Variants in PRSS23 observed in about 807,000 individuals in gnomAD.
PRSS23 encodes protease, serine 23.
PRSS23 carries 25 observed loss-of-function variants against 34.7 expected under a neutral mutation model. The ratio of observed to expected loss-of-function variants is 0.72; its 90% confidence interval spans 0.53 to 1.01. The LOEUF (loss-of-function observed/expected upper bound fraction) is 1.01, where lower values mean the gene tolerates loss of function less well. Among genes scored for constraint, PRSS23 ranks in the 50% least tolerant of loss-of-function variants. The pLI, the probability that PRSS23 is intolerant of heterozygous loss-of-function variation, is 0.00. For missense variants in PRSS23, 445 were observed against 475.6 expected, an observed-to-expected ratio of 0.94 and a Z score of 0.60; for synonymous variants, 176 against 186.6, an observed-to-expected ratio of 0.94 and a Z score of 0.46.
intron 2 of PRSS23, among the ~76,000 whole-genome samples, chr11:86,916,084 A>G (rs539071667): frequency 2.9e-4 from 44 of 152,296 alleles, no homozygotes; most frequent in Middle Eastern, 3.4e-3. Flanking sequence ...CAAAGTGCAT[A>G]ATATATAAGG....
At chr11:86,798,401 GA>G (rs1565346743), upstream of PRSS23, among the ~76,000 whole-genome samples, 1 of 152,178 alleles carries the variant, frequency 6.6e-6, no homozygotes. Flanking sequence ...AGAGTCAAGA[GA>G]AACCCATTGC....
chr11:86,917,659 A>T (rs759792703), intron 2 of PRSS23, among the ~76,000 whole-genome samples: 17 of 152,218 alleles, frequency 1.1e-4, no homozygotes, highest in Non-Finnish European at 2.1e-4. Flanking sequence ...GATTTGTAGG[A>T]TCTGACCACA....
At chr11:86,941,152 T>C (rs1949204763) in intron 2 of PRSS23, 1 of 152,244 alleles carries the variant, frequency 6.6e-6, no homozygotes, top group South Asian at 2.1e-4. Flanking sequence ...TCCCTCCACC[T>C]TCCCTACATA....
chr11:86,878,595 C>T lies in PRSS23; in HGVS notation c.206+55002C>T, dbSNP rs905406980. 3.3e-5 allele frequency among the ~76,000 whole-genome samples: 5 copies of T among 152,214 alleles called. No homozygotes were observed. In the South Asian group the frequency reaches 1.0e-3, roughly 32 times the overall value. On this transcript the variant is annotated intron_variant, in intron 2 of 2. Coordinates refer to the PRSS23 transcript ENST00000533902. ...TGGGGCCCAGGCTGGAGTGCAGTGG[C>T]GTGATCTCGGCTCGCTACAACCTCC...
At chr11:86,817,133 C>A (rs1216059104) in intron 1 of PRSS23, among the ~76,000 whole-genome samples, 2 of 146,888 alleles carry the variant, frequency 1.4e-5, no homozygotes, top group Non-Finnish European at 3.0e-5. Flanking sequence ...GGCAAGAAAG[C>A]CTTTTTTTGT....
chr11:86,913,287 A>C (rs1565384397), intron 2 of PRSS23, among the ~76,000 whole-genome samples: 1 of 114,830 alleles, frequency 8.7e-6, no homozygotes, highest in Non-Finnish European at 2.0e-5. Flanking sequence ...AAAAAAAAAA[A>C]AAAACCTATT....
At chr11:86,924,456 A>C (rs1169935176) in intron 2 of PRSS23, among the ~76,000 whole-genome samples, 2 of 152,218 alleles carry the variant, frequency 1.3e-5, no homozygotes, top group East Asian at 3.8e-4. Context: ...CCTGGGACCA[A>C]GAAGTAAGGG....
rs903024219 is a variant in PRSS23 at position 86,875,285 on chromosome 11, C to G, written c.206+51692C>G. Among the ~76,000 whole-genome samples, 3 of 152,128 alleles carry G rather than the reference C, an allele frequency of 2.0e-5. No homozygotes were observed. In the South Asian group the frequency reaches 6.2e-4, roughly 32 times the overall value. Reference sequence around the variant, plus strand: ...ACTCAGGAGGCTGAGGCAGGAGAATCACTTGAACCCGGGAGGTGGAGGTTG... The same window carrying G: ...ACTCAGGAGGCTGAGGCAGGAGAATGACTTGAACCCGGGAGGTGGAGGTTG... On this transcript the variant is annotated intron_variant, in intron 2 of 2. Coordinates refer to the PRSS23 transcript ENST00000533902.
At chr11:86,936,249 A>C (rs1274075970) in intron 2 of PRSS23, 2 of 152,098 alleles carry the variant, frequency 1.3e-5, no homozygotes, top group Non-Finnish European at 2.9e-5. Flanking sequence ...GAATATTAAT[A>C]TCATTTCTGG....
At chr11:86,906,854 A>G (rs1339117505) in intron 2 of PRSS23, among the ~76,000 whole-genome samples, 1 of 152,146 alleles carries the variant, frequency 6.6e-6, no homozygotes, top group Non-Finnish European at 1.5e-5. Context: ...GTATCTCTGT[A>G]CAAATTAAGG....
chr11:86,794,307 T>C (rs989236017), intron 1 of PRSS23, among the ~76,000 whole-genome samples: 1 of 152,176 alleles, frequency 6.6e-6, no homozygotes, highest in Admixed American at 6.5e-5. Flanking sequence ...AGAAGCCCCA[T>C]GCTGGCCACT....
rs146069384 is a variant in PRSS23 at position 86,923,015 on chromosome 11, A to G, written c.207-28201A>G. ...TTAGTAGCCCTTTTTTGGGGCTACTAAATGTAAAATATTTCATTATTAATT... is the reference window on the plus strand; with the variant it reads ...TTAGTAGCCCTTTTTTGGGGCTACTGAATGTAAAATATTTCATTATTAATT... On this transcript the variant is annotated intron_variant, in intron 2 of 2. Coordinates refer to the PRSS23 transcript ENST00000533902. Among the ~76,000 whole-genome samples the G allele has an allele frequency of 5.9e-5, 9 of 152,318 alleles. No individual in the cohort carries two copies. The East Asian group carries it at 1.5e-3, about 26-fold the overall frequency.
At position 86,945,014 on chromosome 11, in the gene PRSS23, G is replaced by A. The variant is rs370456426; in HGVS notation, c.207-6202G>A. Reference sequence around the variant, plus strand: ...GTGATGGCTCTCCTTCCCTCTGTATGTGAGGTCTATAATATTACTGACTCC... The same window carrying A: ...GTGATGGCTCTCCTTCCCTCTGTATATGAGGTCTATAATATTACTGACTCC... On this transcript the variant is annotated intron_variant, in intron 2 of 2. Transcript: ENST00000533902. 6.6e-5 allele frequency among the ~76,000 whole-genome samples: 10 copies of A among 152,276 alleles called. No individual in the cohort carries two copies. The South Asian group carries it at 1.9e-3, about 28-fold the overall frequency.
At chr11:86,855,864 G>C (rs747829708) in intron 2 of PRSS23, among the ~76,000 whole-genome samples, 1 of 152,092 alleles carries the variant, frequency 6.6e-6, no homozygotes, top group Non-Finnish European at 1.5e-5. Context: ...TCTGTGCCTG[G>C]CTTATTTCAC....
chr11:86,823,729 G>C, intron 2 of PRSS23: 2 of 629,722 alleles, frequency 3.2e-6, no homozygotes, highest in East Asian at 2.8e-5. Context: ...AGAGCAGGCC[G>C]GGCGCGGTGG....
intron 2 of PRSS23, among the ~76,000 whole-genome samples, chr11:86,828,234 T>G (rs1259557780): frequency 6.6e-6 from 1 of 152,240 alleles, no homozygotes; most frequent in Non-Finnish European, 1.5e-5. Context: ...AATTGATCCC[T>G]TTACTATTAC....
chr11:86,853,245 T>TA (rs1293685193), intron 2 of PRSS23, among the ~76,000 whole-genome samples: 1 of 43,876 alleles, frequency 2.3e-5, no homozygotes, highest in Non-Finnish European at 4.8e-5. Flanking sequence ...TGCCTGCCTT[T>TA]TTTTTTTTTT....
At chr11:86,905,932 A>G (rs1020487712) in intron 2 of PRSS23, among the ~76,000 whole-genome samples, 1 of 152,248 alleles carries the variant, frequency 6.6e-6, no homozygotes, top group African/African-American at 2.4e-5. Context: ...GGTGAGGATG[A>G]AAGATGAGAT....
At chr11:86,880,101 AG>A in intron 2 of PRSS23, among the ~76,000 whole-genome samples, 1 of 152,264 alleles carries the variant, frequency 6.6e-6, no homozygotes, top group Admixed American at 6.5e-5. Context: ...TTCTGTACTA[AG>A]AAAAATTCTT....
Sources: allele counts gnomAD v4.1 joint callset (sites outside exome capture counted in the v4.1 genomes callset), GRCh38; gene constraint gnomAD v4.1.1; transcripts MANE v1.5; gene names NCBI Gene and HGNC (gene_info 2026-07-23, HGNC 2026-07-21).